The following CCDC178 variants were observed in gnomAD, a reference collection of about 807,000 sequenced individuals.
The protein encoded by CCDC178 is coiled-coil domain containing 178.
CCDC178 carries 126 observed loss-of-function variants against 117.4 expected under a neutral mutation model. That is an observed-to-expected ratio of 1.07 (90% CI 0.93 to 1.24). The LOEUF (loss-of-function observed/expected upper bound fraction) is 1.24. Ranked by LOEUF, CCDC178 falls within the 50% of genes most tolerant of loss-of-function variation. CCDC178 has a pLI of 0.00. For synonymous variants in CCDC178, 283 were observed against 313.4 expected (o/e 0.90, Z 1.02); for missense variants, 1,030 against 986.9 (o/e 1.04, Z -0.59).
intron 22 of CCDC178, among the ~76,000 whole-genome samples, chr18:32,968,064 C>T (rs1400865488): frequency 6.6e-6 from 1 of 151,698 alleles, no homozygotes; most frequent in Non-Finnish European, 1.5e-5. Context: ...TGTAGTTACC[C>T]TATCGTGCAA....
At chr18:32,990,386 T>C (rs933583297) in intron 21 of CCDC178, among the ~76,000 whole-genome samples, 1 of 152,146 alleles carries the variant, frequency 6.6e-6, no homozygotes, top group Non-Finnish European at 1.5e-5. Flanking sequence ...TAAAACAGTA[T>C]GTTTTGGTAT....
chr18:33,225,481 A>G (rs1213841402), intron 16 of CCDC178, among the ~76,000 whole-genome samples: 1 of 152,204 alleles, frequency 6.6e-6, no homozygotes, highest in Non-Finnish European at 1.5e-5. Context: ...ATTTAAAGAT[A>G]ATACAGTTAT....
chr18:33,243,775 T>G (rs2059514744), intron 15 of CCDC178, among the ~76,000 whole-genome samples: 1 of 151,896 alleles, frequency 6.6e-6, no homozygotes, highest in Non-Finnish European at 1.5e-5. Flanking sequence ...GGAAAATATG[T>G]GAAAGATGAC....
chr18:33,096,338 T>A (rs1042865148), intron 20 of CCDC178, among the ~76,000 whole-genome samples: 2 of 108,454 alleles, frequency 1.8e-5, no homozygotes, highest in South Asian at 2.4e-4. Flanking sequence ...AAATATAAAA[T>A]TTTTATATTT....
intron 2 of CCDC178, among the ~76,000 whole-genome samples, chr18:33,430,009 G>T (rs1418327129): frequency 2.0e-5 from 3 of 152,110 alleles, no homozygotes; most frequent in African/African-American, 4.8e-5. Context: ...AGATAATAAT[G>T]TGACATGATA....
At chr18:33,143,765 C>T (rs1826201127) in intron 20 of CCDC178, among the ~76,000 whole-genome samples, 1 of 152,048 alleles carries the variant, frequency 6.6e-6, no homozygotes, top group African/African-American at 2.4e-5. Flanking sequence ...TGTTCATAAA[C>T]CTTTATAAAA....
At chr18:33,269,156 CA>C (rs1269833668) in intron 12 of CCDC178, among the ~76,000 whole-genome samples, 1 of 151,766 alleles carries the variant, frequency 6.6e-6, no homozygotes, top group Non-Finnish European at 1.5e-5. Context: ...TTTACCAGCA[CA>C]AAAACTCTCT....
intron 12 of CCDC178, among the ~76,000 whole-genome samples, chr18:33,278,238 T>C (rs1488414523): frequency 1.6e-5 from 2 of 128,496 alleles, no homozygotes; most frequent in Non-Finnish European, 3.2e-5. Flanking sequence ...TACATATATA[T>C]ATATATATAT....
rs1387176469 is a variant in CCDC178 at position 33,239,243 on chromosome 18, G to C, written c.1593+6002C>G. On this transcript the variant is annotated intron_variant, in intron 15 of 22. Transcript: ENST00000383096. ...AAAAGAGTCAAACCTTATTACTACAGAAAACAACCCAATCACAAAAATAAA... is the reference window on the plus strand; with the variant it reads ...AAAAGAGTCAAACCTTATTACTACACAAAACAACCCAATCACAAAAATAAA... Among the ~76,000 whole-genome samples the C allele has an allele frequency of 2.0e-5, 3 of 152,024 alleles. No homozygotes were observed. The East Asian group carries it at 5.8e-4, about 29-fold the overall frequency.
intron 12 of CCDC178, among the ~76,000 whole-genome samples, chr18:33,269,894 T>A (rs1188048595): frequency 6.6e-6 from 1 of 151,784 alleles, no homozygotes; most frequent in African/African-American, 2.4e-5. Flanking sequence ...AATTAGTCAA[T>A]AGAAATTATC....
chr18:33,091,709 G>C (rs1367647546), intron 21 of CCDC178, among the ~76,000 whole-genome samples: 1 of 152,112 alleles, frequency 6.6e-6, no homozygotes, highest in Non-Finnish European at 1.5e-5. Context: ...CATGAGAGTA[G>C]ACGGATGGCA....
At chr18:33,017,206 T>C (rs1598792632) in intron 21 of CCDC178, among the ~76,000 whole-genome samples, 2 of 151,848 alleles carry the variant, frequency 1.3e-5, no homozygotes, top group South Asian at 2.1e-4. Flanking sequence ...ATAGAAAATC[T>C]TAAAAAATCA....
At chr18:33,015,477 A>C (rs1484952969) in intron 21 of CCDC178, among the ~76,000 whole-genome samples, 1 of 151,972 alleles carries the variant, frequency 6.6e-6, no homozygotes, top group Non-Finnish European at 1.5e-5. Flanking sequence ...AGGCAGGAGA[A>C]TGGCGTGAAC....
intron 20 of CCDC178, among the ~76,000 whole-genome samples, chr18:33,210,211 C>G (rs1202887334): frequency 6.6e-6 from 1 of 151,872 alleles, no homozygotes; most frequent in African/African-American, 2.4e-5. Flanking sequence ...AATTCCCTCC[C>G]CTTAGAGAAG....
chr18:32,994,965 A>C (rs1298602509), intron 21 of CCDC178, among the ~76,000 whole-genome samples: 1 of 152,182 alleles, frequency 6.6e-6, no homozygotes, highest in African/African-American at 2.4e-5. Context: ...TTAATGGCTC[A>C]TTTGAAAATA....
At chr18:33,345,947 C>G (rs369153707) in intron 9 of CCDC178, among the ~76,000 whole-genome samples, 10 of 152,222 alleles carry the variant, frequency 6.6e-5, no homozygotes, top group African/African-American at 2.4e-4. Context: ...CCCACCTCAG[C>G]CTCCCAAGTA....
intron 20 of CCDC178, among the ~76,000 whole-genome samples, chr18:33,172,467 C>T (rs1458910366): frequency 6.6e-6 from 1 of 151,780 alleles, no homozygotes; most frequent in African/African-American, 2.4e-5. Context: ...TAGCTTGAAT[C>T]AAAGCTATAA....
At chr18:33,082,766 AT>A (rs1012582882) in intron 21 of CCDC178, among the ~76,000 whole-genome samples, 2 of 151,724 alleles carry the variant, frequency 1.3e-5, no homozygotes, top group Non-Finnish European at 2.9e-5. Flanking sequence ...TTCTAAAAAA[AT>A]AAAATAAAAT....
chr18:33,015,669 T>C (rs1206885297), intron 21 of CCDC178, among the ~76,000 whole-genome samples: 1 of 150,822 alleles, frequency 6.6e-6, no homozygotes, highest in African/African-American at 2.4e-5. Flanking sequence ...AGCCCAGATG[T>C]TGGATTTACT....
Sources: allele counts gnomAD v4.1 joint callset (sites outside exome capture counted in the v4.1 genomes callset), GRCh38; gene constraint gnomAD v4.1.1; transcripts MANE v1.5; gene names NCBI Gene and HGNC (gene_info 2026-07-23, HGNC 2026-07-21).